SHTN1: variants seen among roughly 807,000 people sequenced by gnomAD.
SHTN1 encodes shootin-1.
Under a neutral mutation model 83.1 loss-of-function variants are expected in SHTN1, and 42 were observed. The ratio of observed to expected loss-of-function variants is 0.51; its 90% CI spans 0.39 to 0.65. The LOEUF is 0.65. SHTN1 is among the 30% of genes least tolerant of loss of function. The pLI is 0.00. For synonymous variants in SHTN1, 224 were observed against 247.7 expected (o/e 0.90, Z 0.90); for missense variants, 622 against 737.8 (o/e 0.84, Z 1.82).
At chr10:117,105,701 T>C (rs1417690607) in intron 1 of SHTN1, among the ~76,000 whole-genome samples, 1 of 152,198 alleles carries the variant, frequency 6.6e-6, no homozygotes, top group African/African-American at 2.4e-5. Flanking sequence ...GGTTTGACAT[T>C]ATCCTCCCAA....
intron 12 of SHTN1, among the ~76,000 whole-genome samples, chr10:116,916,197 T>C (rs1319215216): frequency 1.3e-5 from 2 of 152,046 alleles, no homozygotes; most frequent in East Asian, 3.9e-4. Context: ...AAAAAATAAA[T>C]AAATAAAAAA....
At chr10:117,084,865 G>C (rs1046789671) in intron 1 of SHTN1, among the ~76,000 whole-genome samples, 1 of 151,534 alleles carries the variant, frequency 6.6e-6, no homozygotes, top group African/African-American at 2.4e-5. Flanking sequence ...TGCGCTTCCC[G>C]AGTGAGGCAA....
chr10:117,010,261 G>T (rs188705168), upstream of SHTN1, among the ~76,000 whole-genome samples: 21 of 151,942 alleles, frequency 1.4e-4, no homozygotes, highest in African/African-American at 4.8e-4. Context: ...AAATAAAAAG[G>T]ATTCTAAGAG....
At chr10:117,049,127 T>G (rs1009569132) in intron 1 of SHTN1, among the ~76,000 whole-genome samples, 13 of 152,166 alleles carry the variant, frequency 8.5e-5, no homozygotes, top group African/African-American at 2.9e-4. Context: ...TCAGATTGTA[T>G]CACAAAAGAG....
intron 2 of SHTN1, among the ~76,000 whole-genome samples, chr10:117,017,335 C>T (rs971339014): frequency 7.3e-5 from 11 of 151,650 alleles, no homozygotes; most frequent in South Asian, 4.2e-4. Flanking sequence ...ACTAAAAATA[C>T]AAAAAATTAG....
At chr10:116,900,716 A>G (rs1564865844) in intron 16 of SHTN1, 1 of 983,616 alleles carries the variant, frequency 1.0e-6, no homozygotes, top group Admixed American at 6.1e-5. Context: ...GAATGAATAT[A>G]GATCATCTTT....
At chr10:116,934,340 A>G (rs1053729392) in intron 9 of SHTN1, among the ~76,000 whole-genome samples, 1 of 152,176 alleles carries the variant, frequency 6.6e-6, no homozygotes, top group African/African-American at 2.4e-5. Flanking sequence ...TAATTTTTGT[A>G]TAAGATTTAC....
chr10:117,000,852 ATC>A (rs1425420426), intron 1 of SHTN1, among the ~76,000 whole-genome samples: 2 of 152,188 alleles, frequency 1.3e-5, no homozygotes, highest in Non-Finnish European at 2.9e-5. Context: ...GCCTAGCACT[ATC>A]TCTAGACCAG....
At position 116,990,424 on chromosome 10, in the gene SHTN1, G is replaced by T. The variant is rs140426249; in HGVS notation, c.59-11116C>A. 1.2e-3 allele frequency among the ~76,000 whole-genome samples: 180 copies of T among 151,654 alleles called. 1 individual carries two copies. In the East Asian group the frequency reaches 0.027, roughly 23 times the overall value. Reference sequence around the variant, plus strand: ...TTTCTCCTTGCTTGTTCTCCCAGGGGGCACGAATTGTCAGATTTGTATCAG... The same window carrying T: ...TTTCTCCTTGCTTGTTCTCCCAGGGTGCACGAATTGTCAGATTTGTATCAG... On this transcript the variant is annotated intron_variant, in intron 1 of 16. Transcript: ENST00000355371.
At chr10:116,981,973 G>A (rs536020157) in intron 1 of SHTN1, among the ~76,000 whole-genome samples, 6 of 152,258 alleles carry the variant, frequency 3.9e-5, no homozygotes, top group African/African-American at 7.2e-5. Context: ...CAGAAGAATC[G>A]CTTGATCCCG....
intron 1 of SHTN1, among the ~76,000 whole-genome samples, chr10:117,078,775 ATTAT>A (rs1554936839): frequency 1.3e-5 from 2 of 151,892 alleles, no homozygotes; most frequent in East Asian, 1.9e-4. Flanking sequence ...ATATAAATAA[ATTAT>A]TTATTTAATA....
chr10:116,954,790 T>G (rs185115806), intron 4 of SHTN1, among the ~76,000 whole-genome samples: 92 of 152,298 alleles, frequency 6.0e-4, no homozygotes, highest in African/African-American at 2.2e-3. Flanking sequence ...ATGAGTTTCT[T>G]TCCATGTGCC....
intron 1 of SHTN1, among the ~76,000 whole-genome samples, chr10:117,101,184 A>G (rs376094597): frequency 2.2e-4 from 34 of 152,300 alleles, no homozygotes; most frequent in African/African-American, 7.5e-4. Flanking sequence ...CTAAGTCTCA[A>G]TTGATTTTCT....
chr10:117,095,321 A>G (rs1853489199), intron 1 of SHTN1, among the ~76,000 whole-genome samples: 1 of 152,254 alleles, frequency 6.6e-6, no homozygotes, highest in Non-Finnish European at 1.5e-5. Flanking sequence ...TGAACAAAAT[A>G]TAACAATGTT....
intron 3 of SHTN1, among the ~76,000 whole-genome samples, chr10:116,967,529 A>C (rs956000609): frequency 8.5e-5 from 13 of 152,214 alleles, no homozygotes; most frequent in African/African-American, 2.9e-4. Context: ...TGAAACCATC[A>C]CCACCATCAA....
At chr10:116,972,841 G>A (rs558914177) in intron 2 of SHTN1, among the ~76,000 whole-genome samples, 4 of 152,326 alleles carry the variant, frequency 2.6e-5, no homozygotes, top group African/African-American at 9.6e-5. Context: ...CGACTCTAGA[G>A]TCTCTATTTG....
At chr10:116,966,936 T>C (rs780670941) in intron 3 of SHTN1, among the ~76,000 whole-genome samples, 27 of 152,224 alleles carry the variant, frequency 1.8e-4, no homozygotes, top group Non-Finnish European at 3.2e-4. Flanking sequence ...GCATAGCACA[T>C]TGGCCTCCAA....
chr10:117,010,577 T>A (rs1026262256), upstream of SHTN1, among the ~76,000 whole-genome samples: 1 of 152,180 alleles, frequency 6.6e-6, no homozygotes, highest in African/African-American at 2.4e-5. Flanking sequence ...TAACTCATTC[T>A]ATGAGGCCAG....
At chr10:116,895,110 T>G (rs1172520623) in intron 16 of SHTN1, among the ~76,000 whole-genome samples, 1 of 152,222 alleles carries the variant, frequency 6.6e-6, no homozygotes, top group African/African-American at 2.4e-5. Flanking sequence ...ATTTGGTGCT[T>G]TAGAATGTAT....
Sources: gnomAD v4.1 joint callset for allele counts (sites outside exome capture counted in the v4.1 genomes callset) on GRCh38, gnomAD v4.1.1 for gene constraint, MANE v1.5 for transcripts, NCBI Gene and HGNC (gene_info 2026-07-23, HGNC 2026-07-21) for gene names.